Variants in VCP observed in about 807,000 individuals in gnomAD.
The protein encoded by VCP is valosin containing protein.
Under a neutral mutation model 85.7 loss-of-function variants are expected in VCP, and 6 were observed. The observed-to-expected ratio is 0.07, with a 90% CI of 0.04 to 0.14. The LOEUF (loss-of-function observed/expected upper bound fraction) is 0.14. VCP is among the 10% of genes least tolerant of loss of function. VCP has a pLI of 1.00. For synonymous variants in VCP, 384 were observed against 367.1 expected, an observed-to-expected ratio of 1.05 and a Z score of -0.53; for missense variants, 353 against 1,043.4, an observed-to-expected ratio of 0.34 and a Z score of 9.12.
intron 10 of VCP, 111 bp downstream of exon 10, chr9:35,061,466 G>T: frequency 8.9e-7 from 1 of 1,129,020 alleles, no homozygotes; most frequent in South Asian, 1.2e-5. Flanking sequence ...CCTTTCCCCT[G>T]TCCAGAAATC....
chr9:35,059,715 A>G lies in VCP; in HGVS notation c.1782T>C (p.Gly594=). The G allele has an allele frequency of 6.2e-7, 1 of 1,614,092 alleles. No homozygotes were observed. Among genetic ancestry groups the G allele is most frequent in the Non-Finnish European group, 8.5e-7 (1 of 1,180,028 alleles). Residue 594 remains glycine, a synonymous_variant, in exon 14 of 17, where the codon GGT becomes GGC. Transcript: ENST00000358901. The surrounding 1 kb of genome is among the most constrained non-coding windows in gnomAD (Gnocchi z 4.9). Reference sequence around the variant, plus strand: ...GGTTGATGACTCGGTCAGCAGCCCCACCACCATCTCCAATGTTACCTCCAC... The same window carrying G: ...GGTTGATGACTCGGTCAGCAGCCCCGCCACCATCTCCAATGTTACCTCCAC... ...KARGGNIGDG[G]GAADRVINQI...
chr9:35,061,630 G>C lies in VCP; in HGVS notation c.1141C>G (p.Leu381Val). The part of the protein sequence containing the change: ...IPDATGRLEI[L>V]QIHTKNMKLA... Reference sequence around the variant, plus strand: ...TTCATGTTCTTGGTATGGATCTGAAGAATCTCTAAGCGTCCTGTAGCATCA... The same window carrying C: ...TTCATGTTCTTGGTATGGATCTGAACAATCTCTAAGCGTCCTGTAGCATCA... Residue 381 changes from leucine to valine, a missense_variant, in exon 10 of 17, where the codon CTT (leucine) becomes GTT (valine). Physicochemically the swap from Leu to Val is conservative, Grantham distance 32. Around this residue, in one of 8 missense-constraint regions of VCP, gnomAD observed 30 missense variants for 39.0 expected, o/e 0.77. Coordinates refer to ENST00000358901, the MANE Select transcript of VCP (RefSeq NM_007126.5). 1 of 1,614,180 alleles carries C rather than the reference G, an allele frequency of 6.2e-7. No individual in the cohort carries two copies. The highest frequency in any genetic ancestry group is 8.5e-7 in the Non-Finnish European group (1 of 1,180,040).
chr9:35,061,294 A>T (rs1350815479), intron 10 of VCP, 115 bp from the exon 11 acceptor site: 1 of 1,382,592 alleles, frequency 7.2e-7, no homozygotes, highest in East Asian at 2.4e-5. Context: ...CATTTCCTTG[A>T]ATATATACTA....
Position 35,065,263 on chromosome 9 carries a change from A to C in VCP, c.564T>G (p.Pro188=). Reference sequence around the variant, plus strand: ...GGAGAAAACTCACCTCTCGTTTGATAGGCTCCCCTTCGCAGTGGATCACTG... The same window carrying C: ...GGAGAAAACTCACCTCTCGTTTGATCGGCTCCCCTTCGCAGTGGATCACTG... The part of the protein sequence containing the change: ...PDTVIHCEGE[P]IKREDEEESL... Residue 188 remains proline (P), a synonymous_variant, in exon 5 of 17, where the codon CCT becomes CCG. Transcript: ENST00000358901. 1 of 1,614,188 alleles carries C rather than the reference A, an allele frequency of 6.2e-7. No individual in the cohort carries two copies. The highest frequency in any genetic ancestry group is 8.5e-7 in the Non-Finnish European group (1 of 1,180,038).
chr9:35,065,486 C>T, intron 4 of VCP, 105 bp from the exon 5 acceptor site: 1 of 1,486,598 alleles, frequency 6.7e-7, no homozygotes, highest in South Asian at 1.2e-5. Flanking sequence ...TAGATAGTGC[C>T]CTTCATTAGA....
chr9:35,066,950 G>C lies in VCP; in HGVS notation c.303-133C>G, dbSNP rs1828846256. 7.7e-6 allele frequency: 11 copies of C among 1,434,658 alleles called. No individual in the cohort carries two copies. In the Admixed American group the frequency reaches 1.9e-4, roughly 24 times the overall value. The allele number at this position is 1,434,658 out of a possible 1,614,324, so 88.9% of individuals were successfully genotyped here. ...GCAGGATGGCTTTAGGCGAAGAGAG[G>C]AAGGAGAACAGGGTGGAAGTGAGGG... On this transcript the variant is annotated intron_variant, in intron 3 of 16. Coordinates refer to ENST00000358901, the MANE Select transcript of VCP (RefSeq NM_007126.5).
chr9:35,062,461 T>C, intron 7 of VCP, 111 bp from the exon 8 acceptor site: 5 of 1,527,192 alleles, frequency 3.3e-6, no homozygotes, highest in Non-Finnish European at 4.5e-6. Flanking sequence ...GGTGAGAAGG[T>C]GGTAACCTCT....
At chr9:35,064,548 T>C (rs1484595866) in intron 5 of VCP, among the ~76,000 whole-genome samples, 2 of 152,118 alleles carry the variant, frequency 1.3e-5, no homozygotes, top group Non-Finnish European at 2.9e-5. Context: ...GATTCTCCTC[T>C]AAAGGGATCC....
intron 8 of VCP, 39 bp downstream of exon 8, chr9:35,062,178 C>T (rs1828739446): frequency 1.2e-6 from 2 of 1,614,102 alleles, no homozygotes; most frequent in Non-Finnish European, 1.7e-6. Context: ...GAAGTCAGGG[C>T]CTTTCAACCC....
At chr9:35,070,771 G>C (rs1408090929) in intron 1 of VCP, among the ~76,000 whole-genome samples, 1 of 152,126 alleles carries the variant, frequency 6.6e-6, no homozygotes, top group Non-Finnish European at 1.5e-5. Flanking sequence ...CTGTATCCTA[G>C]GAAAACCTCC....
In VCP at chr9:35,056,971, C is replaced by A; in HGVS notation, c.*146G>T. 1.2e-6 allele frequency: 1 copy of A among 806,126 alleles called. No homozygotes were observed. The highest frequency in any genetic ancestry group is 1.4e-5 in the South Asian group (1 of 72,152). 49.9% of individuals were successfully genotyped at this position (806,126 alleles called of 1,614,324 possible). A position where few individuals can be genotyped will look rare whatever the true frequency, so the allele number is the denominator to read the frequency against. ...TATTTTTGCAACAGAAACCCCCTGT[C>A]CAGAGTCAGACTGTAGCTGAACTGT... On this transcript the variant is annotated 3_prime_UTR_variant, in exon 17 of 17. Coordinates refer to ENST00000358901, the MANE Select transcript of VCP (RefSeq NM_007126.5).
At chr9:35,065,870 T>C (rs1474683440) in intron 4 of VCP, among the ~76,000 whole-genome samples, 1 of 152,080 alleles carries the variant, frequency 6.6e-6, no homozygotes, top group East Asian at 1.9e-4. Context: ...TATACAAATA[T>C]ATGAAAATGA....
intron 10 of VCP, 101 bp downstream of exon 10, chr9:35,061,476 C>T: frequency 8.2e-7 from 1 of 1,218,020 alleles, no homozygotes; most frequent in Admixed American, 1.7e-5. Flanking sequence ...GTCCAGAAAT[C>T]AAAACCCATC....
At chr9:35,068,140 CAGTAA>C (rs1451608363) in intron 2 of VCP, 77 bp from the exon 3 acceptor site, 2 of 1,609,370 alleles carry the variant, frequency 1.2e-6, no homozygotes, top group African/African-American at 2.7e-5. Flanking sequence ...TTGGGATTCC[CAGTAA>C]ACCCCACTCT....
chr9:35,066,547 GAATA>G (rs1828835764), intron 4 of VCP, 124 bp downstream of exon 4: 2 of 1,357,230 alleles, frequency 1.5e-6, no homozygotes, highest in Admixed American at 2.5e-5. Flanking sequence ...CTTAAAAAAT[GAATA>G]AATAAATACA....
rs761046932 is a variant in VCP, at chr9:35,059,970, A to G, written c.1696-169T>C. The G allele has an allele frequency of 1.2e-5, 10 of 833,230 alleles. No homozygotes were observed. Among genetic ancestry groups the G allele is most frequent in the Non-Finnish European group, 1.9e-5 (10 of 540,284 alleles). The allele number at this position is 833,230 out of a possible 1,614,324, so 51.6% of individuals were successfully genotyped here. On this transcript the variant is annotated intron_variant, in intron 13 of 16. Transcript: ENST00000358901. This position sits in a 1 kb window ranked among gnomAD's most constrained non-coding sequence, Gnocchi z 4.9. ...CAACATACTGAGACTTTGTCTCTAC[A>G]AAAAATAAAAAATTAGCCAGATGTG...
chr9:35,068,347 G>A lies in VCP; in HGVS notation c.33C>T (p.Asp11=). 2 of 1,614,134 alleles carry A rather than the reference G, an allele frequency of 1.2e-6. No individual in the cohort carries two copies. The change falls in exon 2 of 17, where the codon GAC becomes GAT. Residue 11 remains aspartate (D), a synonymous_variant. Coordinates refer to ENST00000358901, the MANE Select transcript of VCP (RefSeq NM_007126.5). The part of the protein sequence containing the change: MASGADSKGD[D]LSTAILKQKN... Reference sequence around the variant, plus strand: ...TCTGTTTGAGAATGGCTGTTGATAGGTCATCACCTTTTGAACTAGAAGGAG... The same window carrying A: ...TCTGTTTGAGAATGGCTGTTGATAGATCATCACCTTTTGAACTAGAAGGAG...
chr9:35,072,237 C>A, intron 1 of VCP, 100 bp downstream of exon 1: 1 of 1,465,112 alleles, frequency 6.8e-7, no homozygotes, highest in East Asian at 2.9e-5. Context: ...CTGGTCTCCA[C>A]CTCTCTGACG....
In VCP at chr9:35,059,166, G is replaced by A; in HGVS notation, c.2058C>T (p.Asp686=). ...AAGCACGCTGGCAAATCTCTGTCAG[G>A]TCAGCTCCAGAGAAGCCATTAGTCA... ...AKMTNGFSGA[D]LTEICQRACK... Residue 686 remains aspartate, a synonymous_variant, in exon 15 of 17, where the codon GAC becomes GAT. Transcript: ENST00000358901. The surrounding 1 kb of genome is among the most constrained non-coding windows in gnomAD (Gnocchi z 4.9). 1 of 1,614,056 alleles carries A rather than the reference G, an allele frequency of 6.2e-7. No individual in the cohort carries two copies. Among genetic ancestry groups the A allele is most frequent in the Non-Finnish European group, 8.5e-7 (1 of 1,180,022 alleles).
Sources: gnomAD v4.1 joint callset for allele counts (sites outside exome capture counted in the v4.1 genomes callset) on GRCh38, gnomAD v4.1.1 for gene constraint, gnomAD v4.1.1 regional missense constraint, Gnocchi (gnomAD v3.1) non-coding constraint, MANE v1.5 for transcripts, NCBI Gene and HGNC (gene_info 2026-07-23, HGNC 2026-07-21) for gene names.